The following RFX3 variants were observed in gnomAD, a reference collection of about 807,000 sequenced individuals.
RFX3 encodes regulatory factor X3.
A neutral mutation model predicts 98.6 loss-of-function variants in RFX3; 14 were observed. The ratio of observed to expected loss-of-function variants is 0.14; its 90% CI spans 0.09 to 0.22. The LOEUF (loss-of-function observed/expected upper bound fraction) is 0.22, where lower values mean the gene tolerates loss of function less well. Ranked by LOEUF, RFX3 falls within the 10% of genes least tolerant of loss-of-function variation. The pLI, the probability that RFX3 is intolerant of heterozygous loss-of-function variation, is 1.00. For synonymous variants in RFX3, 383 were observed against 328.4 expected (o/e 1.17, Z -1.80); for missense variants, 639 against 926.9 (o/e 0.69, Z 4.03).
At chr9:3,260,717 C>T (rs1256520428) in intron 13 of RFX3, among the ~76,000 whole-genome samples, 7 of 151,460 alleles carry the variant, frequency 4.6e-5, no homozygotes, top group South Asian at 4.2e-4. Context: ...ATACATCCCA[C>T]GGAAATATGT....
intron 2 of RFX3, among the ~76,000 whole-genome samples, chr9:3,389,166 C>T (rs1840026451): frequency 6.6e-6 from 1 of 152,030 alleles, no homozygotes; most frequent in Admixed American, 6.6e-5. Context: ...ATCTGGCTGG[C>T]CATGGAATAG....
At chr9:3,253,684 T>G (rs543079115) in intron 14 of RFX3, among the ~76,000 whole-genome samples, 2 of 152,182 alleles carry the variant, frequency 1.3e-5, no homozygotes, top group Non-Finnish European at 2.9e-5. Context: ...GCAAGTTCAT[T>G]TCTATATTTC....
intron 15 of RFX3, among the ~76,000 whole-genome samples, chr9:3,229,893 C>T (rs1275442684): frequency 6.6e-6 from 1 of 152,072 alleles, no homozygotes; most frequent in Non-Finnish European, 1.5e-5. Flanking sequence ...ATTTTGCAAA[C>T]ATACACATAT....
At chr9:3,505,837 T>A (rs964162278) in intron 1 of RFX3, among the ~76,000 whole-genome samples, 1 of 151,272 alleles carries the variant, frequency 6.6e-6, no homozygotes, top group Non-Finnish European at 1.5e-5. Context: ...CCATCTATTA[T>A]AATACATACT....
At chr9:3,318,107 G>C (rs1224864424) in intron 4 of RFX3, among the ~76,000 whole-genome samples, 1 of 152,222 alleles carries the variant, frequency 6.6e-6, no homozygotes, top group African/African-American at 2.4e-5. Flanking sequence ...CAATAGCAAA[G>C]TCTTGGAACC....
At chr9:3,228,283 C>A (rs919038982) in intron 16 of RFX3, among the ~76,000 whole-genome samples, 7 of 152,088 alleles carry the variant, frequency 4.6e-5, no homozygotes, top group African/African-American at 1.7e-4. Flanking sequence ...TCTTGAGGTT[C>A]TTCAGAAATA....
At chr9:3,278,671 T>G (rs1482544624) in intron 7 of RFX3, among the ~76,000 whole-genome samples, 1 of 151,860 alleles carries the variant, frequency 6.6e-6, no homozygotes. Context: ...ATGCTCAGCT[T>G]GCCTTAGGAA....
intron 1 of RFX3, among the ~76,000 whole-genome samples, chr9:3,443,940 G>C (rs188944930): frequency 6.6e-6 from 1 of 152,296 alleles, no homozygotes; most frequent in African/African-American, 2.4e-5. Context: ...TAAGGATGTA[G>C]AGAAACTGGA....
chr9:3,354,656 C>G (rs571060769), intron 2 of RFX3, among the ~76,000 whole-genome samples: 152 of 151,402 alleles, frequency 1.0e-3, no homozygotes, highest in African/African-American at 3.5e-3. Context: ...CTTTTTCTGA[C>G]AAACAAAAAT....
At chr9:3,369,986 G>C (rs1026424165) in intron 2 of RFX3, among the ~76,000 whole-genome samples, 6 of 146,128 alleles carry the variant, frequency 4.1e-5, no homozygotes, top group Admixed American at 4.1e-4. Flanking sequence ...CCGCCACTAC[G>C]CCCGGCTAAT....
In RFX3 at chr9:3,220,036, A is replaced by G. The variant is rs1817259416; in HGVS notation, c.*5006T>C. On this transcript the variant is annotated 3_prime_UTR_variant, in exon 17 of 17. Coordinates refer to ENST00000617270, the MANE Select transcript of RFX3 (RefSeq NM_001282116.2). ...GGTGTAAGCAGACTGACATTTAGAGATATCAGAAGCAGTAGTCATAGCATC... is the reference window on the plus strand; with the variant it reads ...GGTGTAAGCAGACTGACATTTAGAGGTATCAGAAGCAGTAGTCATAGCATC... 6.6e-6 allele frequency: 1 copy of G among 152,216 alleles called. No homozygotes were observed. The highest frequency in any genetic ancestry group is 1.5e-5 in the Non-Finnish European group (1 of 68,032). 9.4% of individuals were successfully genotyped at this position (152,216 alleles called of 1,614,324 possible).
chr9:3,424,347 ACTTTTTTT>A (rs1362903495), intron 1 of RFX3, among the ~76,000 whole-genome samples: 1 of 110,070 alleles, frequency 9.1e-6, no homozygotes, highest in African/African-American at 3.7e-5. Context: ...TACATAATTG[ACTTTTTTT>A]TTTTTTTTTT....
At chr9:3,477,307 G>C (rs923358902) in intron 1 of RFX3, among the ~76,000 whole-genome samples, 1 of 151,940 alleles carries the variant, frequency 6.6e-6, no homozygotes, top group Non-Finnish European at 1.5e-5. Context: ...TTCTTCACAC[G>C]GATTAAAATT....
intron 1 of RFX3, among the ~76,000 whole-genome samples, chr9:3,463,574 GA>G (rs909103220): frequency 2.3e-3 from 339 of 145,388 alleles, no homozygotes; most frequent in African/African-American, 6.4e-3. Context: ...CACAGACTTG[GA>G]AAAAAAAAAA....
intron 3 of RFX3, among the ~76,000 whole-genome samples, chr9:3,342,573 T>C (rs961618941): frequency 1.3e-5 from 2 of 152,112 alleles, no homozygotes; most frequent in South Asian, 2.1e-4. Context: ...TAATACAGCA[T>C]GATGTCTCTG....
At chr9:3,469,273 T>C (rs532523441) in intron 1 of RFX3, 3 of 412,912 alleles carry the variant, frequency 7.3e-6, no homozygotes, top group Admixed American at 2.6e-5. Flanking sequence ...TGTGTTCATA[T>C]ACTATTTCAT....
chr9:3,256,942 A>G (rs941566328), intron 14 of RFX3, 49 bp downstream of exon 14: 1 of 1,514,202 alleles, frequency 6.6e-7, no homozygotes, highest in Non-Finnish European at 9.2e-7. Flanking sequence ...ATACACACAC[A>G]TATTTGCAGA....
intron 1 of RFX3, among the ~76,000 whole-genome samples, chr9:3,405,946 G>GT (rs1441299618): frequency 6.6e-6 from 1 of 151,848 alleles, no homozygotes; most frequent in Non-Finnish European, 1.5e-5. Flanking sequence ...GGGGCATTTG[G>GT]TTTTTTGTCT....
Position 3,506,424 on chromosome 9 carries a change from C to T in RFX3, c.-9+19323G>A, listed in dbSNP as rs142146300. Among the ~76,000 whole-genome samples, 787 of 151,836 alleles carry T rather than the reference C, an allele frequency of 5.2e-3. 9 individuals are homozygous for T. Among genetic ancestry groups the T allele is most frequent in the Admixed American group, 7.3e-3 (111 of 15,176 alleles). On this transcript the variant is annotated intron_variant, in intron 1 of 16. Coordinates refer to ENST00000617270, the MANE Select transcript of RFX3 (RefSeq NM_001282116.2). ...CCTCTACTTTTGACATCCCAGCAGG[C>T]ACAGTAAAGTTAGGCAGTAGAAGGA...
Sources: allele counts gnomAD v4.1 joint callset (sites outside exome capture counted in the v4.1 genomes callset), GRCh38; gene constraint gnomAD v4.1.1; transcripts MANE v1.5; gene names NCBI Gene and HGNC (gene_info 2026-07-23, HGNC 2026-07-21).